IL12RB2: variants seen among roughly 807,000 people sequenced by gnomAD.
IL12RB2 encodes interleukin 12 receptor subunit beta 2, also known as interleukin-12 receptor subunit beta-2.
In IL12RB2, 82 loss-of-function variants were observed where a neutral mutation model predicts 89.4. The ratio of observed to expected loss-of-function variants is 0.92; its 90% CI spans 0.77 to 1.10. The LOEUF (loss-of-function observed/expected upper bound fraction) is 1.10, where lower values mean the gene tolerates loss of function less well. IL12RB2 is among the 50% of genes least tolerant of loss of function. The probability of loss-of-function intolerance (pLI) is 0.00; values close to 1 mark genes in which losing one functional copy is unlikely to be tolerated. For synonymous variants in IL12RB2, 368 were observed against 370.1 expected (o/e 0.99, Z 0.07); for missense variants, 963 against 1,031.9 (o/e 0.93, Z 0.92).
intron 14 of IL12RB2, among the ~76,000 whole-genome samples, chr1:67,386,066 G>A (rs1466838453): frequency 5.3e-5 from 8 of 151,868 alleles, no homozygotes; most frequent in Admixed American, 2.0e-4. Context: ...AAAATTAGCC[G>A]GGCGTGGTGG....
intron 1 of IL12RB2, among the ~76,000 whole-genome samples, chr1:67,313,007 A>T (rs1655286630): frequency 6.6e-6 from 1 of 152,282 alleles, no homozygotes; most frequent in South Asian, 2.1e-4. Flanking sequence ...TTACCATGAC[A>T]TTATGAATGG....
intron 2 of IL12RB2, among the ~76,000 whole-genome samples, chr1:67,315,317 G>A (rs1367137741): frequency 1.3e-5 from 2 of 151,634 alleles, no homozygotes; most frequent in African/African-American, 4.8e-5. Flanking sequence ...TTTACTATTT[G>A]GAGAATGTTA....
chr1:67,331,778 G>C (rs956218738), intron 8 of IL12RB2, among the ~76,000 whole-genome samples: 10 of 152,130 alleles, frequency 6.6e-5, no homozygotes, highest in Admixed American at 1.3e-4. Flanking sequence ...GGCAAAGGTT[G>C]CAATGAGCCA....
At chr1:67,343,668 T>G (rs1266577118) in intron 9 of IL12RB2, among the ~76,000 whole-genome samples, 1 of 152,150 alleles carries the variant, frequency 6.6e-6, no homozygotes, top group Non-Finnish European at 1.5e-5. Context: ...CCAATATACT[T>G]CTTTTCTAGT....
Position 67,396,566 on chromosome 1 carries a change from A to G in IL12RB2, c.*477A>G, listed in dbSNP as rs1666383667. ...TCTACCTCTGCACTCACTGTCCAGTACATTAGACACTAGGCACATTGGCTG... is the reference window on the plus strand; with the variant it reads ...TCTACCTCTGCACTCACTGTCCAGTGCATTAGACACTAGGCACATTGGCTG... On this transcript the variant is annotated 3_prime_UTR_variant, in exon 17 of 17. Coordinates refer to ENST00000674203, the MANE Select transcript of IL12RB2 (RefSeq NM_001374259.2). 5.1e-6 allele frequency: 1 copy of G among 197,526 alleles called. No homozygotes were observed. The highest frequency in any genetic ancestry group is 2.3e-5 in the African/African-American group (1 of 43,228). 12.2% of individuals were successfully genotyped at this position (197,526 alleles called of 1,614,324 possible).
intron 14 of IL12RB2, among the ~76,000 whole-genome samples, chr1:67,380,635 G>T (rs1225140626): frequency 6.6e-6 from 1 of 152,228 alleles, no homozygotes; most frequent in African/African-American, 2.4e-5. Flanking sequence ...ACCACAAACT[G>T]AGTGGCCTAA....
At chr1:67,374,663 G>A (rs546451554) in intron 13 of IL12RB2, among the ~76,000 whole-genome samples, 2 of 151,610 alleles carry the variant, frequency 1.3e-5, no homozygotes, top group East Asian at 3.9e-4. Context: ...TTTAGTAGAG[G>A]AGGGGTTTCA....
chr1:67,396,391 G>A lies in IL12RB2; in HGVS notation c.*302G>A, dbSNP rs1208111268. The stretch of plus-strand genomic sequence containing the variant: ...TGCTGGCCAGAAAGGGAAATGAGGA[G>A]GAGAGTAGAAACCACAGCTCTTAGT... On this transcript the variant is annotated 3_prime_UTR_variant, in exon 17 of 17. Coordinates refer to ENST00000674203, the MANE Select transcript of IL12RB2 (RefSeq NM_001374259.2). 2 of 493,622 alleles carry A rather than the reference G, an allele frequency of 4.1e-6. No individual in the cohort carries two copies. Among genetic ancestry groups the A allele is most frequent in the Non-Finnish European group, 7.4e-6 (2 of 268,632 alleles). 30.6% of individuals were successfully genotyped at this position (493,622 alleles called of 1,614,324 possible).
At chr1:67,322,253 C>T (rs1282436560) in intron 4 of IL12RB2, among the ~76,000 whole-genome samples, 2 of 152,084 alleles carry the variant, frequency 1.3e-5, no homozygotes, top group Non-Finnish European at 2.9e-5. Context: ...TAGACTTATG[C>T]AGCCCAGGAT....
chr1:67,319,345 C>A (rs1656196088), intron 2 of IL12RB2, among the ~76,000 whole-genome samples: 1 of 152,132 alleles, frequency 6.6e-6, no homozygotes, highest in Non-Finnish European at 1.5e-5. Context: ...TGAAACAGAT[C>A]AGAAATTGCC....
chr1:67,309,090 A>C (rs1654685052), intron 1 of IL12RB2, among the ~76,000 whole-genome samples: 1 of 152,096 alleles, frequency 6.6e-6, no homozygotes, highest in Non-Finnish European at 1.5e-5. Flanking sequence ...ATATATATAA[A>C]GAATAAAGCT....
intron 13 of IL12RB2, among the ~76,000 whole-genome samples, chr1:67,374,335 T>C (rs1048873420): frequency 8.3e-4 from 126 of 152,360 alleles, no homozygotes; most frequent in Middle Eastern, 3.4e-3. Context: ...AGTTCTGAAA[T>C]GCACCCCAAG....
intron 15 of IL12RB2, among the ~76,000 whole-genome samples, chr1:67,388,001 A>C (rs1436320922): frequency 6.6e-6 from 1 of 152,078 alleles, no homozygotes; most frequent in East Asian, 1.9e-4. Context: ...AGCATGGTGA[A>C]ACTCTGTCTC....
chr1:67,358,049 A>T (rs1158943849), intron 10 of IL12RB2, among the ~76,000 whole-genome samples: 4 of 150,728 alleles, frequency 2.7e-5, no homozygotes, highest in Admixed American at 2.0e-4. Flanking sequence ...ACTCAACATA[A>T]TTTTTTTTTT....
chr1:67,337,341 T>A (rs17129809), intron 8 of IL12RB2, among the ~76,000 whole-genome samples: 42 of 152,300 alleles, frequency 2.8e-4, no homozygotes, highest in Middle Eastern at 3.4e-3. Context: ...AGCTGAAGCC[T>A]GTTTTCAGGA....
intron 10 of IL12RB2, among the ~76,000 whole-genome samples, chr1:67,364,934 A>T (rs974344186): frequency 6.6e-6 from 1 of 152,216 alleles, no homozygotes. Context: ...AACAAATTTA[A>T]AAGAATAGAT....
At chr1:67,324,913 T>C (rs1393399009) in intron 4 of IL12RB2, among the ~76,000 whole-genome samples, 2 of 152,218 alleles carry the variant, frequency 1.3e-5, no homozygotes, top group Admixed American at 6.5e-5. Flanking sequence ...TTCCAGTCTA[T>C]ATGTCTTAGA....
intron 14 of IL12RB2, among the ~76,000 whole-genome samples, chr1:67,382,764 G>A (rs1664746521): frequency 1.4e-5 from 2 of 143,200 alleles, no homozygotes; most frequent in South Asian, 4.4e-4. Context: ...GGAGTATAGT[G>A]GCATGATCAT....
At chr1:67,346,786 T>C (rs1207528711) in intron 9 of IL12RB2, among the ~76,000 whole-genome samples, 1 of 152,168 alleles carries the variant, frequency 6.6e-6, no homozygotes, top group Non-Finnish European at 1.5e-5. Context: ...ATTACATGTA[T>C]TTTGTAACCA....
Sources: allele counts gnomAD v4.1 joint callset (sites outside exome capture counted in the v4.1 genomes callset), GRCh38; gene constraint gnomAD v4.1.1; transcripts MANE v1.5; gene names NCBI Gene and HGNC (gene_info 2026-07-23, HGNC 2026-07-21).